CSNK1G3: variants seen among roughly 807,000 people sequenced by gnomAD.
CSNK1G3 encodes casein kinase 1 gamma 3, also known as casein kinase I isoform gamma-3.
CSNK1G3 carries 23 observed loss-of-function variants against 64.3 expected under a neutral mutation model. The ratio of observed to expected loss-of-function variants is 0.36; its 90% CI spans 0.26 to 0.51. The LOEUF (loss-of-function observed/expected upper bound fraction) is 0.51. Among genes scored for constraint, CSNK1G3 ranks in the 20% least tolerant of loss-of-function variants. The pLI is 0.96. For missense variants in CSNK1G3, 357 were observed against 510.5 expected (o/e 0.70, Z 2.90); for synonymous variants, 158 against 162.2 (o/e 0.97, Z 0.20).
chr5:123,524,097 A>C (rs796343686), intron 1 of CSNK1G3, among the ~76,000 whole-genome samples: 6 of 152,192 alleles, frequency 3.9e-5, no homozygotes, highest in African/African-American at 1.4e-4. Flanking sequence ...TCTGAGGTGG[A>C]GTTTCAGTAA....
intron 5 of CSNK1G3, 64 bp downstream of exon 5, chr5:123,573,605 A>G: frequency 7.0e-7 from 1 of 1,421,904 alleles, no homozygotes; most frequent in Non-Finnish European, 9.5e-7. Flanking sequence ...ACAAATTCAT[A>G]TTAAAAGTTT....
At chr5:123,598,898 G>C (rs1374193854) in intron 10 of CSNK1G3, among the ~76,000 whole-genome samples, 1 of 152,034 alleles carries the variant, frequency 6.6e-6, no homozygotes, top group African/African-American at 2.4e-5. Context: ...TGGGTAGTGG[G>C]GATAAACAAG....
chr5:123,616,139 G>A (rs1749412953), exon 13 of CSNK1G3: 1 of 152,164 alleles, frequency 6.6e-6, no homozygotes, highest in African/African-American at 2.4e-5. Context: ...TGTATAATTT[G>A]GTCAACAGTT....
chr5:123,573,295 G>A (rs1175782628), intron 4 of CSNK1G3, 98 bp from the exon 5 acceptor site: 17 of 1,310,936 alleles, frequency 1.3e-5, no homozygotes, highest in Non-Finnish European at 1.6e-5. Context: ...TACTGCTTTA[G>A]TTCTTGAAAC....
chr5:123,560,845 G>A (rs1022604364), intron 4 of CSNK1G3, among the ~76,000 whole-genome samples: 5 of 152,110 alleles, frequency 3.3e-5, no homozygotes, highest in African/African-American at 1.2e-4. Flanking sequence ...TGTTCATTGG[G>A]TAAGAGTTTC....
At chr5:123,528,889 C>T (rs191665558) in intron 1 of CSNK1G3, among the ~76,000 whole-genome samples, 7 of 152,310 alleles carry the variant, frequency 4.6e-5, no homozygotes, top group South Asian at 4.1e-4. Flanking sequence ...TTCACAGACA[C>T]GTACATACAC....
At chr5:123,536,040 G>A (rs1332651999) in intron 1 of CSNK1G3, among the ~76,000 whole-genome samples, 1 of 152,110 alleles carries the variant, frequency 6.6e-6, no homozygotes, top group Non-Finnish European at 1.5e-5. Context: ...TCCTTTATGT[G>A]CTTTTAAATG....
chr5:123,546,634 G>A (rs1782574033), intron 2 of CSNK1G3, among the ~76,000 whole-genome samples: 1 of 151,782 alleles, frequency 6.6e-6, no homozygotes, highest in African/African-American at 2.4e-5. Flanking sequence ...GGTACCAGGA[G>A]GGCTCTGGTC....
chr5:123,515,733 C>T (rs1235869702), intron 1 of CSNK1G3, among the ~76,000 whole-genome samples: 1 of 152,104 alleles, frequency 6.6e-6, no homozygotes, highest in African/African-American at 2.4e-5. Flanking sequence ...AATTATTCCC[C>T]TCTTAGCTTC....
chr5:123,561,813 T>A (rs964737347), intron 4 of CSNK1G3, among the ~76,000 whole-genome samples: 10 of 152,182 alleles, frequency 6.6e-5, no homozygotes, highest in African/African-American at 2.4e-4. Context: ...CTTGATCTTC[T>A]GGATTACCTA....
chr5:123,598,977 AG>A (rs1793945812), intron 10 of CSNK1G3, among the ~76,000 whole-genome samples: 1 of 152,164 alleles, frequency 6.6e-6, no homozygotes, highest in African/African-American at 2.4e-5. Flanking sequence ...GGAAAGGAAA[AG>A]TTCAGTTGTT....
chr5:123,555,157 A>G (rs1029397496), intron 3 of CSNK1G3, among the ~76,000 whole-genome samples: 1 of 152,228 alleles, frequency 6.6e-6, no homozygotes, highest in East Asian at 1.9e-4. Context: ...CACAATGATC[A>G]GCATTACATG....
chr5:123,567,632 A>G (rs1013917925), intron 4 of CSNK1G3, among the ~76,000 whole-genome samples: 1 of 152,202 alleles, frequency 6.6e-6, no homozygotes, highest in Non-Finnish European at 1.5e-5. Context: ...AAAGTAATAC[A>G]TGGTTTAAAA....
At chr5:123,518,611 C>G (rs1176755244) in intron 1 of CSNK1G3, among the ~76,000 whole-genome samples, 1 of 152,208 alleles carries the variant, frequency 6.6e-6, no homozygotes, top group Non-Finnish European at 1.5e-5. Context: ...ACATATTTTT[C>G]TCTTCGTATC....
At chr5:123,587,842 C>T (rs1418576777) in intron 6 of CSNK1G3, among the ~76,000 whole-genome samples, 1 of 152,074 alleles carries the variant, frequency 6.6e-6, no homozygotes, top group African/African-American at 2.4e-5. Flanking sequence ...TCTCTAACAG[C>T]ATCTAAAAAT....
Position 123,578,790 on chromosome 5 carries a change from TG to T in CSNK1G3, c.673+2829del, listed in dbSNP as rs1158966528. Reference sequence around the variant, plus strand: ...GCTCCATCAGAATTGATTTTTTATATGGTGTGAGATAGGGGTTGAGGTTCTT... The same window carrying T: ...GCTCCATCAGAATTGATTTTTTATATGTGTGAGATAGGGGTTGAGGTTCTT... On this transcript the variant is annotated intron_variant, in intron 6 of 12. Coordinates refer to ENST00000345990, the Ensembl canonical transcript of CSNK1G3. Among the ~76,000 whole-genome samples, 3 of 152,098 alleles carry T rather than the reference TG, an allele frequency of 2.0e-5. No homozygotes were observed. In the East Asian group the frequency reaches 5.8e-4, roughly 29 times the overall value.
At chr5:123,588,320 T>C in intron 7 of CSNK1G3, 107 bp from the exon 8 acceptor site, 2 of 1,099,278 alleles carry the variant, frequency 1.8e-6, no homozygotes, top group Non-Finnish European at 2.8e-6. Context: ...CAAGCATTCC[T>C]TCTGCCTTGG....
At chr5:123,575,099 A>G (rs1788913116) in intron 5 of CSNK1G3, among the ~76,000 whole-genome samples, 1 of 152,166 alleles carries the variant, frequency 6.6e-6, no homozygotes, top group Non-Finnish European at 1.5e-5. Context: ...ATGAACATTG[A>G]GAATCTGTAA....
chr5:123,576,715 A>G (rs1386972974), intron 6 of CSNK1G3, among the ~76,000 whole-genome samples: 1 of 152,138 alleles, frequency 6.6e-6, no homozygotes, highest in Non-Finnish European at 1.5e-5. Context: ...GAGCACAAAT[A>G]TCACAGAAGT....
Sources: allele counts gnomAD v4.1 joint callset (sites outside exome capture counted in the v4.1 genomes callset), GRCh38; gene constraint gnomAD v4.1.1; transcripts MANE v1.5; gene names NCBI Gene and HGNC (gene_info 2026-07-23, HGNC 2026-07-21).